Variants in STAG2 observed in about 807,000 individuals in gnomAD.
STAG2 encodes the protein cohesin subunit SA-2.
Under a neutral mutation model 108.1 loss-of-function variants are expected in STAG2, and 14 were observed. The observed-to-expected ratio is 0.13, with a 90% confidence interval of 0.09 to 0.20. The LOEUF is 0.20. Among genes scored for constraint, STAG2 ranks in the 10% least tolerant of loss-of-function variants. STAG2 has a pLI of 1.00. For synonymous variants in STAG2, 307 were observed against 302.7 expected, an observed-to-expected ratio of 1.01 and a Z score of -0.15; for missense variants, 440 against 940.9, an observed-to-expected ratio of 0.47 and a Z score of 6.96.
intron 1 of STAG2, among the ~76,000 whole-genome samples, chrX:124,016,826 G>T (rs1296825575): frequency 9.0e-6 from 1 of 111,267 alleles, no homozygotes; most frequent in Non-Finnish European, 1.9e-5. Flanking sequence ...AATTAGCTGG[G>T]CATGGTGGTG....
intron 5 of STAG2, among the ~76,000 whole-genome samples, chrX:124,035,974 G>A (rs1399654044): frequency 2.7e-5 from 3 of 112,130 alleles, no homozygotes; most frequent in Non-Finnish European, 5.6e-5. Context: ...TTTTAAAACT[G>A]TCACAGTCTC....
At chrX:124,028,794 T>A (rs1208714864) in intron 4 of STAG2, among the ~76,000 whole-genome samples, 13 of 75,088 alleles carry the variant, frequency 1.7e-4, no homozygotes, top group African/African-American at 7.0e-4. Context: ...TAAGAATAGT[T>A]TATATATATA....
At chrX:123,976,948 C>G (rs2054648593) in intron 1 of STAG2, among the ~76,000 whole-genome samples, 1 of 112,082 alleles carries the variant, frequency 8.9e-6, no homozygotes, top group Non-Finnish European at 1.9e-5. Context: ...TACAAGAACT[C>G]TAAATGGAAA....
In STAG2 at chrX:124,051,368, A is replaced by G; in HGVS notation, c.1170A>G (p.Ala390=). The change falls in exon 13 of 35, where the codon GCA becomes GCG. Residue 390 remains alanine (A), a synonymous_variant. Transcript: ENST00000371145. ...AAGAATATGATGTTGCAGTACAAGC[A>G]ATAAAATTACTCACTCTTGTTTTAC... ...LDKEYDVAVQ[A]IKLLTLVLQS... 1.7e-6 allele frequency: 2 copies of G among 1,199,902 alleles called. No individual in the cohort carries two copies. Among genetic ancestry groups the G allele is most frequent in the Non-Finnish European group, 2.3e-6 (2 of 887,596 alleles).
intron 8 of STAG2, among the ~76,000 whole-genome samples, chrX:124,046,598 T>C (rs1433920104): frequency 1.8e-5 from 2 of 112,102 alleles, no homozygotes; most frequent in Admixed American, 1.9e-4. Flanking sequence ...TGAGAAGTAG[T>C]CTGGAGTAAG....
chrX:124,032,215 G>A (rs2057369824), intron 5 of STAG2, among the ~76,000 whole-genome samples: 1 of 111,990 alleles, frequency 8.9e-6, no homozygotes, highest in Non-Finnish European at 1.9e-5. Context: ...ATCCACTTTA[G>A]TGGAATGAAT....
At chrX:123,971,979 G>C (rs764208335) in intron 1 of STAG2, among the ~76,000 whole-genome samples, 1 of 111,720 alleles carries the variant, frequency 9.0e-6, no homozygotes, top group Non-Finnish European at 1.9e-5. Context: ...CTTTTATTGT[G>C]ATTTTTAAAG....
intron 32 of STAG2, among the ~76,000 whole-genome samples, chrX:124,091,208 T>C (rs1886451336): frequency 8.9e-6 from 1 of 111,767 alleles, no homozygotes; most frequent in Non-Finnish European, 1.9e-5. Context: ...CAATCCTTGT[T>C]TATTTTGGTA....
At chrX:124,094,434 AAATC>A (rs1306060643) in intron 33 of STAG2, among the ~76,000 whole-genome samples, 6 of 111,673 alleles carry the variant, frequency 5.4e-5, no homozygotes, top group African/African-American at 9.8e-5. Context: ...TTGACTATGA[AAATC>A]AATTTTTATT....
At chrX:124,068,082 T>C (rs992741456) in intron 23 of STAG2, among the ~76,000 whole-genome samples, 32 of 111,188 alleles carry the variant, frequency 2.9e-4, no homozygotes, top group Non-Finnish European at 5.1e-4. Flanking sequence ...TATTTTAAAG[T>C]TTATAGTAAT....
intron 9 of STAG2, among the ~76,000 whole-genome samples, chrX:124,048,285 C>T (rs954077431): frequency 1.8e-5 from 2 of 111,943 alleles, no homozygotes; most frequent in Admixed American, 9.5e-5. Flanking sequence ...CAAGAATTGA[C>T]TAAGAAAAAT....
intron 8 of STAG2, among the ~76,000 whole-genome samples, chrX:124,046,395 T>G (rs1456876413): frequency 8.9e-6 from 1 of 112,054 alleles, no homozygotes; most frequent in African/African-American, 3.2e-5. Context: ...GTCAATAACT[T>G]GATGGCTAAA....
At position 124,022,467 on chromosome X, in the gene STAG2, A is replaced by G. The variant is rs148830892; in HGVS notation, c.-97-64A>G. The G allele has an allele frequency of 5.3e-3, 2,179 of 409,951 alleles. 46 individuals are homozygous for G. Among genetic ancestry groups the G allele is most frequent in the African/African-American group, 0.048 (1,811 of 37,673 alleles). The allele number at this position is 409,951 out of a possible 1,213,427, so 33.8% of individuals were successfully genotyped here. ...GCACTGGGGAATTTAACTTTTGAGT[A>G]TGGATATCCTTTCCGAATATTTTTG... is the stretch of plus-strand genomic sequence containing the variant. On this transcript the variant is annotated intron_variant, in intron 2 of 34. Transcript: ENST00000371145.
In STAG2 at chrX:124,081,436, A is replaced by G; in HGVS notation, c.2832A>G (p.Thr944=). 8.4e-7 allele frequency: 1 copy of G among 1,187,301 alleles called. No individual in the cohort carries two copies. The highest frequency in any genetic ancestry group is 1.1e-6 in the Non-Finnish European group (1 of 878,323). Residue 944 remains threonine, a synonymous_variant, in exon 28 of 35, where the codon ACA becomes ACG. Coordinates refer to ENST00000371145, the MANE Select transcript of STAG2 (RefSeq NM_001042750.2). ...NGYNFDRSSS[T]FSGIKELARR... ...ATAATTTTGATAGATCATCCTCTAC[A>G]TTTAGTGGCATAAAAGAACTTGCTC...
intron 1 of STAG2, among the ~76,000 whole-genome samples, chrX:123,971,992 A>G (rs1035506738): frequency 4.5e-5 from 5 of 111,873 alleles, no homozygotes; most frequent in African/African-American, 1.6e-4. Context: ...TTTTAAAGCT[A>G]TTTTATATTT....
intron 4 of STAG2, 51 bp downstream of exon 4, chrX:124,025,969 C>A: frequency 1.1e-6 from 1 of 927,842 alleles, no homozygotes. Context: ...CTCACACACA[C>A]ACAGATTTAA....
rs2058964830 is a variant in STAG2 at position 124,081,649 on chromosome X, T to A, written c.2924+121T>A. The A allele has an allele frequency of 9.3e-6, 5 of 536,220 alleles. No individual in the cohort carries two copies. In the Admixed American group the frequency reaches 1.8e-4, roughly 19 times the overall value. 44.2% of individuals were successfully genotyped at this position (536,220 alleles called of 1,213,427 possible). A position where few individuals can be genotyped will look rare whatever the true frequency, so the allele number is the denominator to read the frequency against. On this transcript the variant is annotated intron_variant, in intron 28 of 34. Coordinates refer to ENST00000371145, the MANE Select transcript of STAG2 (RefSeq NM_001042750.2). ...TTATGCTTTATTATTAGCTTATAAA[T>A]CTCTACCCTATCTCCTTTCTTAATT...
At chrX:123,966,103 G>A (rs1248948209) in intron 1 of STAG2, among the ~76,000 whole-genome samples, 1 of 111,585 alleles carries the variant, frequency 9.0e-6, no homozygotes, top group Admixed American at 9.6e-5. Flanking sequence ...TCAGGTATGG[G>A]CATCAGTATA....
chrX:124,001,413 A>C (rs2056036419), intron 1 of STAG2, among the ~76,000 whole-genome samples: 1 of 111,376 alleles, frequency 9.0e-6, no homozygotes, highest in African/African-American at 3.3e-5. Flanking sequence ...AAATACATTC[A>C]GTGTCTCCTA....
Sources: gnomAD v4.1 joint callset for allele counts (sites outside exome capture counted in the v4.1 genomes callset) on GRCh38, gnomAD v4.1.1 for gene constraint, MANE v1.5 for transcripts, NCBI Gene and HGNC (gene_info 2026-07-23, HGNC 2026-07-21) for gene names.